DOCK3: variants seen among roughly 807,000 people sequenced by gnomAD.
DOCK3 encodes dedicator of cytokinesis 3.
In DOCK3, 60 loss-of-function variants were observed where a neutral mutation model predicts 265.6. The observed-to-expected ratio is 0.23, with a 90% CI of 0.18 to 0.28. DOCK3 has a LOEUF of 0.28. Among genes scored for constraint, DOCK3 ranks in the 10% least tolerant of loss-of-function variants. The pLI is 1.00. For synonymous variants in DOCK3, 881 were observed against 938.0 expected (o/e 0.94, Z 1.11); for missense variants, 1,981 against 2,594.3 (o/e 0.76, Z 5.14).
chr3:50,872,127 G>A (rs542400355), intron 3 of DOCK3, among the ~76,000 whole-genome samples: 12 of 152,318 alleles, frequency 7.9e-5, no homozygotes, highest in African/African-American at 2.2e-4. Flanking sequence ...GCATTGAAGA[G>A]TTAGTTATTT....
intron 35 of DOCK3, 37 bp downstream of exon 35, chr3:51,333,290 C>T (rs2084649853): frequency 6.3e-7 from 1 of 1,591,338 alleles, no homozygotes. Context: ...CTTCCCTTGT[C>T]AGGATACTCT....
At chr3:51,107,594 G>C (rs144053427) in intron 9 of DOCK3, among the ~76,000 whole-genome samples, 18 of 152,166 alleles carry the variant, frequency 1.2e-4, no homozygotes, top group Non-Finnish European at 2.2e-4. Context: ...GAGAATCTCA[G>C]AGCTTGAAGA....
chr3:51,092,364 G>A (rs923028537), intron 9 of DOCK3, among the ~76,000 whole-genome samples: 5 of 152,326 alleles, frequency 3.3e-5, no homozygotes, highest in African/African-American at 1.2e-4. Flanking sequence ...GGCTTGAGTA[G>A]GTGGTTTTAT....
rs1185647435 is a variant in DOCK3, at chr3:50,675,194, C to G, written c.-70C>G. Reference sequence around the variant, plus strand: ...GCCTCGACTCGCGGTGCGCCACAGCCGGGCCCGCGGCCGTCCCCGCCGCGT... The same window carrying G: ...GCCTCGACTCGCGGTGCGCCACAGCGGGGCCCGCGGCCGTCCCCGCCGCGT... On this transcript the variant is annotated 5_prime_UTR_variant, in exon 1 of 53. Coordinates refer to ENST00000266037, the MANE Select transcript of DOCK3 (RefSeq NM_004947.5). The surrounding 1 kb of genome is among the most constrained non-coding windows in gnomAD (Gnocchi z 6.1). 3.8e-6 allele frequency: 4 copies of G among 1,040,398 alleles called. No individual in the cohort carries two copies. Among genetic ancestry groups the G allele is most frequent in the Non-Finnish European group, 4.7e-6 (4 of 855,916 alleles). The allele number at this position is 1,040,398 out of a possible 1,614,324, so 64.4% of individuals were successfully genotyped here. A position where few individuals can be genotyped will look rare whatever the true frequency, so the allele number is the denominator to read the frequency against.
chr3:51,019,596 G>A (rs148148008), intron 5 of DOCK3, among the ~76,000 whole-genome samples: 67 of 151,982 alleles, frequency 4.4e-4, no homozygotes, highest in African/African-American at 1.6e-3. Context: ...ACATCTATCA[G>A]CTATTCTTCC....
At chr3:50,899,126 G>T (rs1285137547) in intron 4 of DOCK3, among the ~76,000 whole-genome samples, 1 of 152,120 alleles carries the variant, frequency 6.6e-6, no homozygotes, top group African/African-American at 2.4e-5. Flanking sequence ...CTCTTTGTAG[G>T]TCTCTAAGAA....
chr3:50,961,123 A>G (rs1343372774), intron 5 of DOCK3, among the ~76,000 whole-genome samples: 1 of 152,196 alleles, frequency 6.6e-6, no homozygotes, highest in Non-Finnish European at 1.5e-5. Flanking sequence ...TAGTAATTGT[A>G]AAACCAGTTA....
chr3:51,167,198 A>G (rs377411210), intron 12 of DOCK3, among the ~76,000 whole-genome samples: 14 of 152,116 alleles, frequency 9.2e-5, no homozygotes, highest in African/African-American at 3.4e-4. Flanking sequence ...TCCCAGCATC[A>G]CTTATTGAAA....
intron 4 of DOCK3, among the ~76,000 whole-genome samples, chr3:50,909,802 C>G (rs2049768983): frequency 6.6e-6 from 1 of 151,890 alleles, no homozygotes; most frequent in African/African-American, 2.4e-5. Context: ...GGATGATATC[C>G]TGAAGTATGT....
chr3:51,016,572 T>TC (rs2079269256), intron 5 of DOCK3, among the ~76,000 whole-genome samples: 3 of 91,342 alleles, frequency 3.3e-5, no homozygotes, highest in African/African-American at 1.4e-4. Flanking sequence ...ATTATATATA[T>TC]ATTTATATAT....
chr3:51,357,942 T>C lies in DOCK3; in HGVS notation c.4768-19T>C. On this transcript the variant is annotated intron_variant, in intron 45 of 52. Transcript: ENST00000266037. ...GCTACTCATGGTTCACAGAGTGGCC[T>C]TGTTTGTGACTCTGATAGGTTCATG... The C allele has an allele frequency of 1.2e-6, 2 of 1,613,824 alleles. No individual in the cohort carries two copies. The highest frequency in any genetic ancestry group is 1.7e-6 in the Non-Finnish European group (2 of 1,179,700).
intron 12 of DOCK3, among the ~76,000 whole-genome samples, chr3:51,188,378 T>G (rs2087739984): frequency 6.6e-6 from 1 of 152,240 alleles, no homozygotes; most frequent in East Asian, 1.9e-4. Flanking sequence ...GGTTTTATTT[T>G]ATTTCTACAA....
chr3:50,735,548 G>T (rs2038535471), intron 1 of DOCK3, among the ~76,000 whole-genome samples: 1 of 152,040 alleles, frequency 6.6e-6, no homozygotes, highest in African/African-American at 2.4e-5. Flanking sequence ...ATGTTGGCCA[G>T]GCTGGTCTTG....
At chr3:51,036,855 G>T (rs4566574) in intron 5 of DOCK3, among the ~76,000 whole-genome samples, 125,091 of 151,974 alleles carry the variant, frequency 0.82, 52,122 homozygotes, top group East Asian at 0.94. Flanking sequence ...ATTAAATCTC[G>T]AGATCTGATG....
intron 2 of DOCK3, among the ~76,000 whole-genome samples, chr3:50,790,123 C>T (rs754255096): frequency 6.6e-6 from 1 of 152,140 alleles, no homozygotes; most frequent in African/African-American, 2.4e-5. Flanking sequence ...AGAATAGCTC[C>T]TCCTGCTTGC....
chr3:50,880,501 C>G (rs138891054), intron 3 of DOCK3: 2,425 of 192,472 alleles, frequency 0.013, 74 homozygotes, highest in African/African-American at 0.054. Context: ...GTAAACACCT[C>G]TACGCAAATG....
intron 5 of DOCK3, among the ~76,000 whole-genome samples, chr3:50,962,579 G>C (rs1161639402): frequency 1.3e-5 from 2 of 152,140 alleles, no homozygotes; most frequent in South Asian, 2.1e-4. Context: ...CTTTCTTAGA[G>C]CTCAAATAAA....
In DOCK3 at chr3:50,896,965, C is replaced by T. The variant is rs541410854; in HGVS notation, c.218+6884C>T. On this transcript the variant is annotated intron_variant, in intron 4 of 52. Coordinates refer to ENST00000266037, the MANE Select transcript of DOCK3 (RefSeq NM_004947.5). ...TTTGCTTAGGATTGTTTTGGCTATA[C>T]GGGCTCTTTTGTGGTTCCATAGGAA... 7.9e-5 allele frequency among the ~76,000 whole-genome samples: 12 copies of T among 152,158 alleles called. No homozygotes were observed. In the South Asian group the frequency reaches 8.3e-4, roughly 11 times the overall value.
intron 7 of DOCK3, among the ~76,000 whole-genome samples, chr3:51,085,878 A>C (rs1357045292): frequency 6.6e-6 from 1 of 152,212 alleles, no homozygotes; most frequent in Non-Finnish European, 1.5e-5. Flanking sequence ...CGAAACAAAA[A>C]GTTGGTTTTC....
Sources: allele counts gnomAD v4.1 joint callset (sites outside exome capture counted in the v4.1 genomes callset), GRCh38; gene constraint gnomAD v4.1.1; non-coding constraint Gnocchi (gnomAD v3.1); transcripts MANE v1.5; gene names NCBI Gene and HGNC (gene_info 2026-07-23, HGNC 2026-07-21).